The following RAP1A variants were observed in gnomAD, a reference collection of about 807,000 sequenced individuals.
The protein encoded by RAP1A is RAP1A, member of RAS oncogene family.
RAP1A carries 6 observed loss-of-function variants against 26.4 expected under a neutral mutation model. The observed-to-expected ratio is 0.23, with a 90% CI of 0.12 to 0.45. The LOEUF (loss-of-function observed/expected upper bound fraction) is 0.45, where lower values mean the gene tolerates loss of function less well. Ranked by LOEUF, RAP1A falls within the 20% of genes least tolerant of loss-of-function variation. RAP1A has a pLI of 0.99. For missense variants in RAP1A, 121 were observed against 217.2 expected (o/e 0.56, Z 2.78); for synonymous variants, 73 against 79.4 (o/e 0.92, Z 0.43).
At chr1:111,583,611 T>G (rs887432582) in intron 1 of RAP1A, among the ~76,000 whole-genome samples, 4 of 152,128 alleles carry the variant, frequency 2.6e-5, no homozygotes, top group Admixed American at 6.6e-5. Context: ...CACAAAAGAT[T>G]AATGCATAAA....
intron 4 of RAP1A, among the ~76,000 whole-genome samples, chr1:111,700,849 T>C (rs141572242): frequency 1.3e-5 from 2 of 152,284 alleles, no homozygotes; most frequent in East Asian, 3.9e-4. Flanking sequence ...ACATCCAAAC[T>C]CTCAGAAAAC....
At chr1:111,607,418 C>T (rs561441867) in intron 1 of RAP1A, among the ~76,000 whole-genome samples, 1 of 152,344 alleles carries the variant, frequency 6.6e-6, no homozygotes, top group Admixed American at 6.5e-5. Flanking sequence ...CCTCTTTCTA[C>T]ACAGACACGG....
chr1:111,588,998 G>A (rs1658427160), intron 1 of RAP1A, among the ~76,000 whole-genome samples: 1 of 152,196 alleles, frequency 6.6e-6, no homozygotes, highest in South Asian at 2.1e-4. Context: ...AGTGATAACA[G>A]TGAAAGAACT....
intron 1 of RAP1A, among the ~76,000 whole-genome samples, chr1:111,611,176 G>A (rs1557865043): frequency 1.3e-5 from 2 of 152,266 alleles, no homozygotes; most frequent in South Asian, 2.1e-4. Flanking sequence ...TTCTAGAGCT[G>A]TCATTGGCTC....
chr1:111,573,697 G>C (rs1658093509), intron 1 of RAP1A, among the ~76,000 whole-genome samples: 1 of 152,108 alleles, frequency 6.6e-6, no homozygotes, highest in South Asian at 2.1e-4. Flanking sequence ...GTTTTGATTT[G>C]CATTTCTCTA....
intron 1 of RAP1A, chr1:111,599,910 T>C (rs1372930987): frequency 6.6e-6 from 1 of 152,114 alleles, no homozygotes; most frequent in African/African-American, 2.4e-5. Context: ...ATGAGTGAAC[T>C]CTCACTCAGT....
intron 1 of RAP1A, among the ~76,000 whole-genome samples, chr1:111,607,507 G>A (rs989434527): frequency 3.9e-5 from 6 of 152,274 alleles, no homozygotes; most frequent in Middle Eastern, 3.4e-3. Context: ...ATCATGGCCC[G>A]TTCTCAATGA....
At chr1:111,626,557 T>C (rs142240417) in intron 1 of RAP1A, among the ~76,000 whole-genome samples, 147 of 152,340 alleles carry the variant, frequency 9.6e-4, no homozygotes, top group African/African-American at 3.5e-3. Context: ...AAGTCAAGTA[T>C]CTGCTAGGAC....
intron 1 of RAP1A, among the ~76,000 whole-genome samples, chr1:111,577,516 T>C (rs1658171275): frequency 6.6e-6 from 1 of 151,810 alleles, no homozygotes; most frequent in Non-Finnish European, 1.5e-5. Flanking sequence ...TTCTTGTATA[T>C]TAAGTGGTCA....
intron 1 of RAP1A, 73 bp from the exon 2 acceptor site, chr1:111,691,261 T>A: frequency 9.7e-7 from 1 of 1,032,136 alleles, no homozygotes; most frequent in East Asian, 2.6e-5. Context: ...AACTCCTATG[T>A]TTGATGCAGT....
intron 1 of RAP1A, among the ~76,000 whole-genome samples, chr1:111,653,040 A>C (rs1282162220): frequency 6.6e-6 from 1 of 152,218 alleles, no homozygotes; most frequent in Non-Finnish European, 1.5e-5. Context: ...AAATAAACAA[A>C]ATGTGATATA....
chr1:111,683,373 A>C (rs923869862), intron 1 of RAP1A, among the ~76,000 whole-genome samples: 2 of 152,188 alleles, frequency 1.3e-5, no homozygotes, highest in African/African-American at 2.4e-5. Flanking sequence ...AAATCAATGA[A>C]TCCAGGAGCT....
intron 1 of RAP1A, among the ~76,000 whole-genome samples, chr1:111,593,414 TTTTG>T (rs992596858): frequency 6.6e-6 from 1 of 152,158 alleles, no homozygotes; most frequent in African/African-American, 2.4e-5. Flanking sequence ...CTTTGTACTT[TTTTG>T]TTTGTTGGGA....
intron 1 of RAP1A, among the ~76,000 whole-genome samples, chr1:111,643,715 T>C (rs472159): frequency 0.88 from 134,289 of 152,268 alleles, 59,552 homozygotes; most frequent in African/African-American, 0.97. Flanking sequence ...CAAATGACAA[T>C]CCGTGCTTAT....
chr1:111,582,427 A>C (rs972631525), intron 1 of RAP1A, among the ~76,000 whole-genome samples: 3 of 152,152 alleles, frequency 2.0e-5, no homozygotes, highest in African/African-American at 7.2e-5. Context: ...TCTTTTGCCC[A>C]GTACTATATT....
intron 1 of RAP1A, among the ~76,000 whole-genome samples, chr1:111,626,939 G>T (rs1659418882): frequency 6.6e-6 from 1 of 151,956 alleles, no homozygotes; most frequent in Admixed American, 6.6e-5. Flanking sequence ...AAAAGTAAAG[G>T]TGAGCATAAT....
chr1:111,608,898 A>G (rs1235763568), intron 1 of RAP1A, among the ~76,000 whole-genome samples: 1 of 152,148 alleles, frequency 6.6e-6, no homozygotes, highest in East Asian at 1.9e-4. Context: ...AGGGAGAGGG[A>G]GTGAATTCAT....
chr1:111,656,686 T>A (rs1660470941), intron 1 of RAP1A, among the ~76,000 whole-genome samples: 1 of 152,196 alleles, frequency 6.6e-6, no homozygotes, highest in South Asian at 2.1e-4. Flanking sequence ...TATTTTCTTC[T>A]CTTTATCCCA....
chr1:111,618,119 A>G (rs572073183), upstream of RAP1A, among the ~76,000 whole-genome samples: 11 of 152,196 alleles, frequency 7.2e-5, no homozygotes, highest in South Asian at 2.3e-3. Context: ...CTTGATCTCA[A>G]GTACCTCTCT....
Sources: gnomAD v4.1 joint callset for allele counts (sites outside exome capture counted in the v4.1 genomes callset) on GRCh38, gnomAD v4.1.1 for gene constraint, MANE v1.5 for transcripts, NCBI Gene and HGNC (gene_info 2026-07-23, HGNC 2026-07-21) for gene names.